Variants in TAF1C observed in about 807,000 individuals in gnomAD.
TAF1C encodes the protein TATA-box binding protein associated factor, RNA polymerase I subunit C, also known as TATA box-binding protein-associated factor RNA polymerase I subunit C.
In TAF1C, 79 loss-of-function variants were observed where a neutral mutation model predicts 70.5. That is an observed-to-expected ratio of 1.12 (90% confidence interval 0.93 to 1.35). The LOEUF is 1.35. Among genes scored for constraint, TAF1C ranks in the 40% most tolerant of loss-of-function variants. The pLI, the probability that TAF1C is intolerant of heterozygous loss-of-function variation, is 0.00. For synonymous variants in TAF1C, 614 were observed against 491.1 expected (o/e 1.25, Z -3.31); for missense variants, 1,412 against 1,127.8 (o/e 1.25, Z -3.61).
At position 84,177,974 on chromosome 16, in the gene TAF1C, C is replaced by A. The variant is rs2088833478; in HGVS notation, c.*967G>T. ...TGTTTGTGTGAGTCACATGCAATTC[C>A]TTTCACCAGCCAACCTGAAAAAAGA... On this transcript the variant is annotated 3_prime_UTR_variant, in exon 15 of 15. Coordinates refer to ENST00000566732, the MANE Select transcript of TAF1C (RefSeq NM_001243156.2). 9.0e-6 allele frequency: 7 copies of A among 775,204 alleles called. No homozygotes were observed. Among genetic ancestry groups the A allele is most frequent in the South Asian group, 8.7e-5 (6 of 69,276 alleles). 48.0% of individuals were successfully genotyped at this position (775,204 alleles called of 1,614,324 possible). A position where few individuals can be genotyped will look rare whatever the true frequency, so the allele number is the denominator to read the frequency against.
intron 1 of TAF1C, 56 bp from the exon 2 acceptor site, chr16:84,185,116 C>A: frequency 1.7e-6 from 2 of 1,206,564 alleles, no homozygotes. Flanking sequence ...AAGCAGATAA[C>A]AAAAAACAAA....
chr16:84,181,156 G>C lies in TAF1C; in HGVS notation c.1195C>G (p.Arg399Gly). 6.2e-7 allele frequency: 1 copy of C among 1,611,332 alleles called. No homozygotes were observed. The highest frequency in any genetic ancestry group is 8.5e-7 in the Non-Finnish European group (1 of 1,177,794). The change falls in exon 12 of 15, where the codon CGT becomes GGT. Residue 399 changes from arginine (R) to glycine (G), a missense_variant. By Grantham distance (125) the Arg-to-Gly change is moderately radical. Transcript: ENST00000566732. ...TGGCACGAAGCCTCTGCCCCCAAACGAAAAAGCAACAGACCACAGCCCGGC... is the reference window on the plus strand; with the variant it reads ...TGGCACGAAGCCTCTGCCCCCAAACCAAAAAGCAACAGACCACAGCCCGGC... ...GPPGCGLLLF[R>G]LGAEASCQKG...
chr16:84,177,855 T>C lies in TAF1C; in HGVS notation c.*1086A>G, dbSNP rs751616360. 1.3e-6 allele frequency: 2 copies of C among 1,598,134 alleles called. No homozygotes were observed. The highest frequency in any genetic ancestry group is 1.7e-6 in the Non-Finnish European group (2 of 1,165,580). On this transcript the variant is annotated 3_prime_UTR_variant, in exon 15 of 15. Transcript: ENST00000566732. ...AAAGCATCATAGTTTTCCCCAGTTA[T>C]ATGTAGCATAAATGGTTTAATCATA...
chr16:84,179,935 A>T lies in TAF1C; in HGVS notation c.1621+11T>A, dbSNP rs762983406. 11 of 1,611,426 alleles carry T rather than the reference A, an allele frequency of 6.8e-6. No homozygotes were observed. The highest frequency in any genetic ancestry group is 8.5e-6 in the Non-Finnish European group (10 of 1,179,578). ...CTGCGCCCCCCAAGCTCACTCCCCC[A>T]CCCAGCACACCTATGGTCGGTGCTT... On this transcript the variant is annotated intron_variant, in intron 14 of 14. Coordinates refer to ENST00000566732, the MANE Select transcript of TAF1C (RefSeq NM_001243156.2).
chr16:84,184,860 C>G lies in TAF1C; in HGVS notation c.129G>C (p.Gln43His). 1 of 1,605,746 alleles carries G rather than the reference C, an allele frequency of 6.2e-7. No homozygotes were observed. Among genetic ancestry groups the G allele is most frequent in the Non-Finnish European group, 8.5e-7 (1 of 1,176,416 alleles). Reference protein sequence around the residue: ...DALTLPEAQPQNSENGALHVT... With the variant: ...DALTLPEAQPHNSENGALHVT... ...CTGCCTGCATCCTCACCTCTGAGTT[C>G]TGGGGCTGGGCCTCTGGCAGAGTCA... is the stretch of plus-strand genomic sequence containing the variant. Residue 43 changes from glutamine to histidine, a missense_variant, in exon 2 of 15, where the codon CAG becomes CAC. Transcript: ENST00000566732.
rs748297838 is a variant in TAF1C, at chr16:84,178,976, G to A, written c.2497C>T (p.Gln833Ter). The change falls in exon 15 of 15, where the codon CAG becomes TAG. Residue 833 changes from glutamine to a stop codon, truncating the protein, a stop_gained. Coordinates refer to ENST00000566732, the MANE Select transcript of TAF1C (RefSeq NM_001243156.2). LOFTEE classifies it high-confidence loss of function. ...ATTCGAGGCTTCTTCCGGAGGGGCTGAGAGCTAGAGAGGACGGGTGTGTGC... is the reference window on the plus strand; with the variant it reads ...ATTCGAGGCTTCTTCCGGAGGGGCTAAGAGCTAGAGAGGACGGGTGTGTGC... ...QQHTPVLSSSQPLRKKPRMGF is the reference protein window; with the variant it reads ...QQHTPVLSSS 1 of 1,610,702 alleles carries A rather than the reference G, an allele frequency of 6.2e-7. No homozygotes were observed. Among genetic ancestry groups the A allele is most frequent in the Non-Finnish European group, 8.5e-7 (1 of 1,179,834 alleles).
At chr16:84,180,752 A>C (rs1365575981) in intron 12 of TAF1C, 135 of 1,269,570 alleles carry the variant, frequency 1.1e-4, no homozygotes, top group Non-Finnish European at 1.3e-4. Flanking sequence ...TGCACAGCAG[A>C]AACTCTCCAG....
chr16:84,183,561 G>GCCCT (rs760986074), intron 3 of TAF1C, 54 bp from the exon 4 acceptor site: 2 of 1,564,262 alleles, frequency 1.3e-6, no homozygotes, highest in Non-Finnish European at 1.7e-6. Context: ...GCGGCCAGAT[G>GCCCT]CCCTGGGCGA....
At position 84,178,477 on chromosome 16, in the gene TAF1C, C is replaced by T. The variant is rs2088872728; in HGVS notation, c.*464G>A. The T allele has an allele frequency of 2.2e-6, 1 of 460,266 alleles. No homozygotes were observed. The highest frequency in any genetic ancestry group is 1.5e-5 in the South Asian group (1 of 64,574). The allele number at this position is 460,266 out of a possible 1,614,324, so 28.5% of individuals were successfully genotyped here. A position where few individuals can be genotyped will look rare whatever the true frequency, so the allele number is the denominator to read the frequency against. The stretch of plus-strand genomic sequence containing the variant: ...CCGGGGCAGAGATTGACAAAGCAAC[C>T]CACAACAGCAGCTGCCAACGGCCGC... On this transcript the variant is annotated 3_prime_UTR_variant, in exon 15 of 15. Transcript: ENST00000566732.
At position 84,181,724 on chromosome 16, in the gene TAF1C, C is replaced by T. The variant is rs143466688; in HGVS notation, c.956+22G>A. Reference sequence around the variant, plus strand: ...AGCCCTGCCTCCAGCCCCTCCTCACCGACCAACCTGACCCCCCTCACCTGA... The same window carrying T: ...AGCCCTGCCTCCAGCCCCTCCTCACTGACCAACCTGACCCCCCTCACCTGA... On this transcript the variant is annotated intron_variant, in intron 9 of 14. Coordinates refer to ENST00000566732, the MANE Select transcript of TAF1C (RefSeq NM_001243156.2). The T allele has an allele frequency of 4.8e-4, 770 of 1,613,778 alleles. 9 individuals carry two copies. The East Asian group carries it at 0.015, about 31-fold the overall frequency.
rs1486618951 is a variant in TAF1C, at chr16:84,180,318, G to A, written c.1335C>T (p.Arg445=). The change falls in exon 13 of 15, where the codon CGC becomes CGT. Residue 445 remains arginine (R), a synonymous_variant. Coordinates refer to ENST00000566732, the MANE Select transcript of TAF1C (RefSeq NM_001243156.2). ...TQFSLYLVDE[R]LPLVPMLKWN... is the part of the protein sequence containing the mutation. ...ACTTCAGCATCGGCACCAGGGGAAGGCGCTCGTCCACTAGGTAGAGAGAGA... is the reference window on the plus strand; with the variant it reads ...ACTTCAGCATCGGCACCAGGGGAAGACGCTCGTCCACTAGGTAGAGAGAGA... The A allele has an allele frequency of 1.9e-6, 3 of 1,546,436 alleles. No homozygotes were observed. Among genetic ancestry groups the A allele is most frequent in the African/African-American group, 2.7e-5 (2 of 72,890 alleles).
Position 84,182,434 on chromosome 16 carries a change from G to C in TAF1C, c.489C>G (p.Pro163=). The change falls in exon 7 of 15, where the codon CCC becomes CCG. Residue 163 remains proline, a synonymous_variant. Coordinates refer to ENST00000566732, the MANE Select transcript of TAF1C (RefSeq NM_001243156.2). This position sits in a 1 kb window ranked among gnomAD's most constrained non-coding sequence, Gnocchi z 5.0. ...DLGGHQPWGC[P]WAYLSNRQRR... ...GCTGTCGGTTGCTGAGGTAAGCCCA[G>C]GGACACCTGGGGACCAGAGAACAGC... 6.3e-7 allele frequency: 1 copy of C among 1,599,314 alleles called. No individual in the cohort carries two copies. Among genetic ancestry groups the C allele is most frequent in the African/African-American group, 1.3e-5 (1 of 74,898 alleles).
In TAF1C at chr16:84,177,920, G is replaced by A. The variant is rs376416088; in HGVS notation, c.*1021C>T. The stretch of plus-strand genomic sequence containing the variant: ...GCATGATAAACATTTTAACACCCAC[G>A]CGAGTCAGTGTATGATTGGGCTAGC... On this transcript the variant is annotated 3_prime_UTR_variant, in exon 15 of 15. Coordinates refer to ENST00000566732, the MANE Select transcript of TAF1C (RefSeq NM_001243156.2). The A allele has an allele frequency of 1.8e-5, 22 of 1,193,474 alleles. No individual in the cohort carries two copies. Among genetic ancestry groups the A allele is most frequent in the Middle Eastern group, 4.2e-4 (2 of 4,754 alleles). The allele number at this position is 1,193,474 out of a possible 1,614,324, so 73.9% of individuals were successfully genotyped here.
intron 1 of TAF1C, among the ~76,000 whole-genome samples, chr16:84,186,042 T>G (rs4150119): frequency 0.28 from 42,157 of 152,190 alleles, 6,471 homozygotes; most frequent in Admixed American, 0.4. Context: ...AGCGCCAGCA[T>G]CTATCTGCCA....
Position 84,183,121 on chromosome 16 carries a change from C to G in TAF1C, c.437G>C (p.Ser146Thr). The change falls in exon 6 of 15, where the codon AGT (serine) becomes ACT (threonine). Residue 146 changes from serine (S) to threonine (T), a missense_variant. By Grantham distance (58) the Ser-to-Thr change is moderately conservative (BLOSUM62 1). Coordinates refer to ENST00000566732, the MANE Select transcript of TAF1C (RefSeq NM_001243156.2). The part of the protein sequence containing the change: ...GSRTKKKTVV[S>T]VKKLLQDLGG... ...GAGGTCCTGGAGCAGCTTCTTCACA[C>G]TGACCACTGTCTTCTTCTTAGTGCG... 1.2e-6 allele frequency: 2 copies of G among 1,614,120 alleles called. No individual in the cohort carries two copies. Among genetic ancestry groups the G allele is most frequent in the Non-Finnish European group, 1.7e-6 (2 of 1,180,028 alleles).
rs760272897 is a variant in TAF1C at position 84,179,656 on chromosome 16, T to A, written c.1817A>T (p.Asp606Val). 1 of 1,612,570 alleles carries A rather than the reference T, an allele frequency of 6.2e-7. No homozygotes were observed. Among genetic ancestry groups the A allele is most frequent in the East Asian group, 2.2e-5 (1 of 44,862 alleles). Reference protein sequence around the residue: ...HAPTASWTSQDTAGCSQWLKA... With the variant: ...HAPTASWTSQVTAGCSQWLKA... ...CAGCCACTGGCTGCAGCCGGCAGTG[T>A]CCTGGGAGGTCCAGGAAGCTGTGGG... Residue 606 changes from aspartate (D) to valine (V), a missense_variant, in exon 15 of 15, where the codon GAC (aspartate) becomes GTC (valine). Coordinates refer to ENST00000566732, the MANE Select transcript of TAF1C (RefSeq NM_001243156.2).
Position 84,180,057 on chromosome 16 carries a change from C to G in TAF1C, c.1510G>C (p.Ala504Pro), listed in dbSNP as rs199743201. 4.4e-4 allele frequency: 712 copies of G among 1,604,012 alleles called. 1 individual carries two copies. Among genetic ancestry groups the G allele is most frequent in the Non-Finnish European group, 7.4e-5 (87 of 1,175,966 alleles). Residue 504 changes from alanine (A) to proline (P), a missense_variant, in exon 14 of 15, where the codon GCA becomes CCA. Physicochemically the swap from Ala to Pro is conservative, Grantham distance 27 (BLOSUM62 -1). Coordinates refer to ENST00000566732, the MANE Select transcript of TAF1C (RefSeq NM_001243156.2). ...AGEGASVPRL[A>P]GPPQSLPSRI... ...GAAGGAAGAGACTGGGGGGGGCCTG[C>G]CAGGCGGGGCACCGACGCCCCTTCT...
rs2089522509 is a variant in TAF1C, at chr16:84,186,962, C to T, written c.-134G>A. On this transcript the variant is annotated 5_prime_UTR_variant, in exon 1 of 15. Transcript: ENST00000566732. ...GCCTCGGCGTGATGCTCGCCGGACC[C>T]TGGCACCACGAGGGAAATCTCAAGT... The T allele has an allele frequency of 6.6e-6, 1 of 152,278 alleles. No individual in the cohort carries two copies. The highest frequency in any genetic ancestry group is 1.5e-5 in the Non-Finnish European group (1 of 68,056). The allele number at this position is 152,278 out of a possible 1,614,324, so 9.4% of individuals were successfully genotyped here. A position where few individuals can be genotyped will look rare whatever the true frequency, so the allele number is the denominator to read the frequency against.
chr16:84,184,992 G>C lies in TAF1C; in HGVS notation c.-4C>G, dbSNP rs377454529. On this transcript the variant is annotated 5_prime_UTR_variant, in exon 2 of 15. Transcript: ENST00000566732. Reference sequence around the variant, plus strand: ...GGAGGGAGCTGGGGAAGTCCATCCTGGAAACAAGGACCAAGCACCACACTG... The same window carrying C: ...GGAGGGAGCTGGGGAAGTCCATCCTCGAAACAAGGACCAAGCACCACACTG... 1.2e-6 allele frequency: 2 copies of C among 1,612,620 alleles called. No homozygotes were observed. The highest frequency in any genetic ancestry group is 1.3e-5 in the African/African-American group (1 of 74,868).
Sources: gnomAD v4.1 joint callset for allele counts (sites outside exome capture counted in the v4.1 genomes callset) on GRCh38, gnomAD v4.1.1 for gene constraint, Gnocchi (gnomAD v3.1) non-coding constraint, MANE v1.5 for transcripts, NCBI Gene and HGNC (gene_info 2026-07-23, HGNC 2026-07-21) for gene names.